Variants in NBPF20 observed in about 807,000 individuals in gnomAD.
The protein encoded by NBPF20 is NBPF family member NBPF20.
NBPF20 carries 90 observed loss-of-function variants against 68.1 expected under a neutral mutation model. The observed-to-expected ratio is 1.32, with a 90% confidence interval of 1.11 to 1.58. The LOEUF (loss-of-function observed/expected upper bound fraction) is 1.58. NBPF20 is among the 40% of genes most tolerant of loss of function. The probability of loss-of-function intolerance (pLI) is 0.00; values close to 1 mark genes in which losing one functional copy is unlikely to be tolerated. For missense variants in NBPF20, 816 were observed against 601.2 expected (o/e 1.36, Z -3.74); for synonymous variants, 290 against 228.1 (o/e 1.27, Z -2.45).
In NBPF20 at chr1:145,291,279, A is replaced by G. The variant is rs587751587; in HGVS notation, c.*247T>C. 5.0e-5 allele frequency: 32 copies of G among 635,744 alleles called. No homozygotes were observed. In the African/African-American group the frequency reaches 5.5e-4, roughly 11 times the overall value. The allele number at this position is 635,744 out of a possible 1,614,324, so 39.4% of individuals were successfully genotyped here. On this transcript the variant is annotated 3_prime_UTR_variant, in exon 138 of 138. Transcript: ENST00000369373. ...CCCAGAGATACGTGGTTCAAATTAA[A>G]ATGTCTGACTGATCACTCCCGGCAT...
exon 138 of NBPF20, chr1:145,291,699 T>A (rs200928669): frequency 0.017 from 27,424 of 1,611,494 alleles, 291 homozygotes; most frequent in Middle Eastern, 0.025. Context: ...ATTGACGGAG[T>A]AGAATAACAT....
chr1:145,419,093 A>G, the NBPF20 span, among the ~76,000 whole-genome samples: 7 of 129,082 alleles, frequency 5.4e-5, no homozygotes, highest in African/African-American at 2.3e-4. Context: ...GGAAGGAAGG[A>G]AGGAAGGGAG....
intron 119 of NBPF20, among the ~76,000 whole-genome samples, 155 bp from the exon 125 acceptor site, chr1:145,306,220 G>T (rs1661403356): frequency 2.4e-4 from 33 of 139,984 alleles, no homozygotes; most frequent in Admixed American, 1.4e-3. Context: ...TGTTGGGACA[G>T]AACAGGGCCA....
intron 136 of NBPF20, among the ~76,000 whole-genome samples, chr1:145,292,839 C>T (rs1661224656): frequency 2.9e-5 from 2 of 68,404 alleles, no homozygotes; most frequent in Non-Finnish European, 5.3e-5. Flanking sequence ...TCATCAAATA[C>T]TCAGATTGTT....
intron 132 of NBPF20, chr1:145,296,090 C>G: frequency 6.8e-6 from 1 of 146,232 alleles, no homozygotes; most frequent in South Asian, 5.5e-5. Flanking sequence ...TGCCCAGGTC[C>G]AACATCATGA....
rs1346579977 is a variant in NBPF20 at position 145,309,546 on chromosome 1, G to A, written c.13938-298C>T. On this transcript the variant is annotated intron_variant, in intron 115 of 137. Transcript: ENST00000369373. ...AATTATCCAGGTGACACACTGATGA[G>A]GGAGTAACAGGACACTCTGAGTTAG... Among the ~76,000 whole-genome samples, 9 of 63,858 alleles carry A rather than the reference G, an allele frequency of 1.4e-4. 1 individual carries two copies. In the South Asian group the frequency reaches 5.9e-3, roughly 42 times the overall value. 41.9% of individuals were successfully genotyped at this position (63,858 alleles called of 152,430 possible). A position where few individuals can be genotyped will look rare whatever the true frequency, so the allele number is the denominator to read the frequency against.
At chr1:145,407,504 T>C (rs1216111248), upstream of NBPF20, among the ~76,000 whole-genome samples, 3 of 147,032 alleles carry the variant, frequency 2.0e-5, no homozygotes, top group African/African-American at 7.4e-5. Context: ...ATATATAATA[T>C]ATATACGTGT....
chr1:145,411,004 A>G, the NBPF20 span, among the ~76,000 whole-genome samples: 2 of 139,312 alleles, frequency 1.4e-5, 1 homozygote, highest in Non-Finnish European at 3.2e-5. Flanking sequence ...TTCCACTGAT[A>G]TATATTCCAT....
At position 145,292,154 on chromosome 1, in the gene NBPF20, G is replaced by C. The variant is rs186666979; in HGVS notation, c.16697+227C>G. Among the ~76,000 whole-genome samples, 438 of 150,032 alleles carry C rather than the reference G, an allele frequency of 2.9e-3. 6 individuals are homozygous for C. In the East Asian group the frequency reaches 0.039, roughly 13 times the overall value. ...GCTCAAAATTCGATGCAGTGGCCAT[G>C]AGAGTACAGCTTTTGAAGTATGGTC... On this transcript the variant is annotated intron_variant, in intron 137 of 137. Coordinates refer to ENST00000369373, the Ensembl canonical transcript of NBPF20.
At chr1:145,423,793 C>T in the NBPF20 span, among the ~76,000 whole-genome samples, 1 of 151,960 alleles carries the variant, frequency 6.6e-6, no homozygotes, top group Non-Finnish European at 1.5e-5. Context: ...GTGGGGTAAC[C>T]AGAATATCCC....
chr1:145,393,734 T>A (rs1255625541), intron 9 of NBPF20, 150 bp downstream of exon 14: 1 of 1,510,258 alleles, frequency 6.6e-7, no homozygotes, highest in East Asian at 2.3e-5. Context: ...AAACATGTAC[T>A]CTAATGAGAA....
At chr1:145,291,370 G>A (rs1661066931) in exon 138 of NBPF20, 11 of 1,534,234 alleles carry the variant, frequency 7.2e-6, no homozygotes, top group South Asian at 3.8e-5. Flanking sequence ...CTGAGCACAG[G>A]TTGCCACTGG....
exon 137 of NBPF20, chr1:145,292,457 T>C (rs782696186): frequency 4.2e-6 from 3 of 718,644 alleles, no homozygotes; most frequent in Non-Finnish European, 7.4e-6. Context: ...CTTCTTCCCC[T>C]TCTTTTCTTC....
At position 145,400,553 on chromosome 1, in the gene NBPF20, G is replaced by C. The variant is rs1262903554; in HGVS notation, c.608C>G (p.Ser203Ter). The change falls in exon 6 of 138, where the codon TCA (serine) becomes TGA (stop). Residue 203 changes from serine (S) to a stop codon, truncating the protein, a stop_gained. Coordinates refer to ENST00000369373, the Ensembl canonical transcript of NBPF20. LOFTEE classifies it high-confidence loss of function. ...ATAAGTGATGGCACATTCCTCCTGT[G>C]AGTCCTCAGGGACTTCCTTTTCTTC... 39 of 1,612,592 alleles carry C rather than the reference G, an allele frequency of 2.4e-5. No individual in the cohort carries two copies. The East Asian group carries it at 8.2e-4, about 34-fold the overall frequency.
At chr1:145,397,442 A>C (rs1662306680) in intron 7 of NBPF20, among the ~76,000 whole-genome samples, 1 of 152,330 alleles carries the variant, frequency 6.6e-6, no homozygotes, top group Non-Finnish European at 1.5e-5. Context: ...AACATTCTTA[A>C]AGAAAAGAAT....
At chr1:145,400,475 A>G in exon 6 of NBPF20, 6 of 1,613,070 alleles carry the variant, frequency 3.7e-6, no homozygotes, top group Non-Finnish European at 5.1e-6. Flanking sequence ...CTCAAATGTG[A>G]TTTTGGTTTT....
At chr1:145,395,290 C>T (rs1662169437) in intron 7 of NBPF20, 149 bp from the exon 13 acceptor site, 3 of 1,146,686 alleles carry the variant, frequency 2.6e-6, no homozygotes, top group Middle Eastern at 3.0e-4. Flanking sequence ...AACTATCCTT[C>T]TAAATGCAGG....
At chr1:145,407,392 G>GTGTATATATATTATACACA (rs1662838968), upstream of NBPF20, among the ~76,000 whole-genome samples, 1 of 143,912 alleles carries the variant, frequency 6.9e-6, no homozygotes, top group African/African-American at 2.6e-5. Context: ...ATATATACAC[G>GTGTATATATATTATACACA]TGTATATATA....
At chr1:145,395,018 T>A in exon 8 of NBPF20, 1 of 1,611,776 alleles carries the variant, frequency 6.2e-7, no homozygotes. Context: ...GTTCCTCTAA[T>A]GAGTGAAATG....
Sources: allele counts gnomAD v4.1 joint callset (sites outside exome capture counted in the v4.1 genomes callset), GRCh38; gene constraint gnomAD v4.1.1; transcripts MANE v1.5; gene names NCBI Gene and HGNC (gene_info 2026-07-23, HGNC 2026-07-21).